AGBL4: variants seen among roughly 807,000 people sequenced by gnomAD.
The protein encoded by AGBL4 is AGBL carboxypeptidase 4, also known as cytosolic carboxypeptidase 6.
AGBL4 carries 58 observed loss-of-function variants against 66.4 expected under a neutral mutation model. That is an observed-to-expected ratio of 0.87 (90% CI 0.71 to 1.09). The LOEUF is 1.09. Ranked by LOEUF, AGBL4 falls within the 50% of genes least tolerant of loss-of-function variation. The pLI is 0.00. For synonymous variants in AGBL4, 234 were observed against 222.9 expected, an observed-to-expected ratio of 1.05 and a Z score of -0.44; for missense variants, 579 against 631.0, an observed-to-expected ratio of 0.92 and a Z score of 0.88.
chr1:49,480,491 T>C (rs1329241910), intron 3 of AGBL4, among the ~76,000 whole-genome samples: 4 of 152,012 alleles, frequency 2.6e-5, no homozygotes, highest in African/African-American at 9.7e-5. Context: ...GTTGTTTTTT[T>C]TTTCTCTTGT....
intron 11 of AGBL4, among the ~76,000 whole-genome samples, chr1:48,561,354 G>A (rs974554805): frequency 6.6e-6 from 1 of 150,598 alleles, no homozygotes; most frequent in Non-Finnish European, 1.5e-5. Flanking sequence ...CTCTACCAAC[G>A]CTGTACCACT....
At chr1:49,124,978 C>T (rs78244003) in intron 4 of AGBL4, among the ~76,000 whole-genome samples, 1,908 of 152,088 alleles carry the variant, frequency 0.013, 29 homozygotes, top group Non-Finnish European at 0.016. Context: ...CCCACAGGAC[C>T]CCAAAGTTTG....
At position 49,517,951 on chromosome 1, in the gene AGBL4, C is replaced by T. The variant is rs527973420; in HGVS notation, c.282+179362G>A. On this transcript the variant is annotated intron_variant, in intron 3 of 13. Coordinates refer to ENST00000371839, the MANE Select transcript of AGBL4 (RefSeq NM_032785.4). The stretch of plus-strand genomic sequence containing the variant: ...ATTCTGTTCCTTTATCAATAATCTC[C>T]CTACCTTTGCTATTGTACCCTGAAT... 4.1e-4 allele frequency among the ~76,000 whole-genome samples: 62 copies of T among 151,988 alleles called. 1 individual carries two copies. The highest frequency in any genetic ancestry group is 7.7e-4 in the Non-Finnish European group (52 of 67,960).
chr1:49,687,353 A>C (rs1646805517), intron 3 of AGBL4, among the ~76,000 whole-genome samples: 1 of 152,212 alleles, frequency 6.6e-6, no homozygotes, highest in South Asian at 2.1e-4. Flanking sequence ...GTGGTAAAGT[A>C]AGGAAACAAA....
intron 2 of AGBL4, among the ~76,000 whole-genome samples, chr1:49,752,844 G>C (rs908140245): frequency 1.3e-5 from 2 of 152,086 alleles, no homozygotes; most frequent in Non-Finnish European, 2.9e-5. Context: ...TGTCTCTTTT[G>C]ATCTTTGTTG....
At chr1:49,047,538 C>A (rs1365693795) in intron 4 of AGBL4, among the ~76,000 whole-genome samples, 1 of 152,082 alleles carries the variant, frequency 6.6e-6, no homozygotes, top group Non-Finnish European at 1.5e-5. Flanking sequence ...TAGATTGCTA[C>A]CCTAAATTCT....
intron 3 of AGBL4, among the ~76,000 whole-genome samples, chr1:49,492,067 C>T (rs1647197349): frequency 6.6e-6 from 1 of 151,886 alleles, no homozygotes; most frequent in African/African-American, 2.4e-5. Flanking sequence ...TTGTACTGCT[C>T]TCACATTTCT....
chr1:49,611,728 A>G (rs1275193133), intron 3 of AGBL4, among the ~76,000 whole-genome samples: 1 of 152,186 alleles, frequency 6.6e-6, no homozygotes, highest in African/African-American at 2.4e-5. Context: ...AAACACTAAG[A>G]CAATGGAATG....
chr1:49,160,365 C>G (rs1349980270), intron 4 of AGBL4, among the ~76,000 whole-genome samples: 2 of 152,104 alleles, frequency 1.3e-5, no homozygotes, highest in South Asian at 2.1e-4. Context: ...CACTCCAGAC[C>G]CTATTTGCCT....
At chr1:48,553,286 C>T (rs1644275946) in intron 11 of AGBL4, among the ~76,000 whole-genome samples, 1 of 152,166 alleles carries the variant, frequency 6.6e-6, no homozygotes, top group Admixed American at 6.5e-5. Context: ...GGGGGCTCTG[C>T]TTTTCTGAGA....
intron 6 of AGBL4, among the ~76,000 whole-genome samples, chr1:48,855,357 A>G (rs142848726): frequency 3.3e-5 from 5 of 152,320 alleles, no homozygotes; most frequent in African/African-American, 1.2e-4. Flanking sequence ...TTAGGAACAT[A>G]CTAATTAGTT....
intron 1 of AGBL4, among the ~76,000 whole-genome samples, chr1:49,982,439 A>C: frequency 6.6e-6 from 1 of 152,184 alleles, no homozygotes; most frequent in Admixed American, 6.5e-5. Context: ...GCCAACAAAC[A>C]CAGAAGAGAG....
intron 3 of AGBL4, among the ~76,000 whole-genome samples, chr1:49,692,445 A>C (rs983947248): frequency 1.3e-5 from 2 of 152,170 alleles, no homozygotes; most frequent in Non-Finnish European, 2.9e-5. Context: ...CTGGCCAGAC[A>C]CAGTGGCTCA....
chr1:48,579,271 A>G (rs1644699894), intron 11 of AGBL4, among the ~76,000 whole-genome samples: 1 of 151,964 alleles, frequency 6.6e-6, no homozygotes, highest in Non-Finnish European at 1.5e-5. Flanking sequence ...TCTGTCCCCA[A>G]GGCTGGAGTG....
intron 3 of AGBL4, among the ~76,000 whole-genome samples, chr1:49,610,811 T>C (rs569248483): frequency 6.6e-6 from 1 of 152,328 alleles, no homozygotes; most frequent in Non-Finnish European, 1.5e-5. Flanking sequence ...TATTTTGTTA[T>C]AGTAGCAGGA....
intron 5 of AGBL4, among the ~76,000 whole-genome samples, chr1:49,015,212 T>C (rs1321635933): frequency 6.6e-6 from 1 of 152,070 alleles, no homozygotes; most frequent in Non-Finnish European, 1.5e-5. Context: ...TTGATTTTGT[T>C]CCCTTAGGTT....
At position 49,948,211 on chromosome 1, in the gene AGBL4, TA is replaced by T. The variant is rs1223023594; in HGVS notation, c.34+75551del. Among the ~76,000 whole-genome samples the T allele has an allele frequency of 3.1e-4, 20 of 64,078 alleles. 1 individual carries two copies. Among genetic ancestry groups the T allele is most frequent in the African/African-American group, 9.8e-4 (20 of 20,314 alleles). 42.0% of individuals were successfully genotyped at this position (64,078 alleles called of 152,430 possible). ...ATAAATATATATAAATATAAATATA[TA>T]AATATATATAAATATATATAAATAT... On this transcript the variant is annotated intron_variant, in intron 1 of 13. Transcript: ENST00000371839.
intron 9 of AGBL4, among the ~76,000 whole-genome samples, chr1:48,606,134 G>A (rs1645150562): frequency 6.6e-6 from 1 of 151,728 alleles, no homozygotes; most frequent in South Asian, 2.1e-4. Context: ...CAAAATAGTT[G>A]TGGGGAAATG....
At chr1:50,019,296 T>TCACACA (rs1382487557) in intron 1 of AGBL4, among the ~76,000 whole-genome samples, 2 of 92,700 alleles carry the variant, frequency 2.2e-5, no homozygotes, top group African/African-American at 7.1e-5. Context: ...TCTCTCTCTC[T>TCACACA]CTCTCTCTCT....
Sources: gnomAD v4.1 joint callset for allele counts (sites outside exome capture counted in the v4.1 genomes callset) on GRCh38, gnomAD v4.1.1 for gene constraint, MANE v1.5 for transcripts, NCBI Gene and HGNC (gene_info 2026-07-23, HGNC 2026-07-21) for gene names.